The following SLC25A26 variants were observed in gnomAD, a reference collection of about 807,000 sequenced individuals.
SLC25A26 encodes mitochondrial S-adenosylmethionine carrier protein.
A neutral mutation model predicts 37.8 loss-of-function variants in SLC25A26; 36 were observed. That is an observed-to-expected ratio of 0.95 (90% CI 0.73 to 1.26). The LOEUF (loss-of-function observed/expected upper bound fraction) is 1.26, where lower values mean the gene tolerates loss of function less well. SLC25A26 is among the 50% of genes most tolerant of loss of function. The pLI, the probability that SLC25A26 is intolerant of heterozygous loss-of-function variation, is 0.00. For synonymous variants in SLC25A26, 129 were observed against 122.5 expected (o/e 1.05, Z -0.35); for missense variants, 390 against 331.1 (o/e 1.18, Z -1.38).
At chr3:66,263,252 A>G in intron 4 of SLC25A26, 80 bp from the exon 5 acceptor site, 2 of 931,812 alleles carry the variant, frequency 2.1e-6, no homozygotes, top group South Asian at 2.8e-5. Flanking sequence ...AAACAAGAGC[A>G]GGTAGATCTG....
chr3:66,245,116 C>A (rs1436348970), intron 3 of SLC25A26, among the ~76,000 whole-genome samples: 1 of 151,480 alleles, frequency 6.6e-6, no homozygotes, highest in African/African-American at 2.4e-5. Context: ...TTATGTTTTC[C>A]AGACTGGTCT....
chr3:66,221,388 A>G (rs1392793967), intron 1 of SLC25A26, among the ~76,000 whole-genome samples: 1 of 152,176 alleles, frequency 6.6e-6, no homozygotes, highest in Non-Finnish European at 1.5e-5. Context: ...CATTTACTTA[A>G]AAAAGAGCTT....
At chr3:66,240,208 T>C (rs1258957248) in intron 2 of SLC25A26, among the ~76,000 whole-genome samples, 1 of 152,156 alleles carries the variant, frequency 6.6e-6, no homozygotes, top group Non-Finnish European at 1.5e-5. Flanking sequence ...CTCACTATAA[T>C]AGCAAGAGGA....
rs1039774792 is a variant in SLC25A26, at chr3:66,347,957, A to G, written c.498+1549A>G. 2.6e-5 allele frequency among the ~76,000 whole-genome samples: 4 copies of G among 152,140 alleles called. No homozygotes were observed. The South Asian group carries it at 8.3e-4, about 32-fold the overall frequency. Reference sequence around the variant, plus strand: ...ACATGGACACAGAAGAACAACACACAATGACTGGGGCCTGTTGTGGGGTGC... The same window carrying G: ...ACATGGACACAGAAGAACAACACACGATGACTGGGGCCTGTTGTGGGGTGC... On this transcript the variant is annotated intron_variant, in intron 6 of 9. Transcript: ENST00000354883.
chr3:66,212,282 A>AT (rs1257688673), intron 1 of SLC25A26, among the ~76,000 whole-genome samples: 1,490 of 147,150 alleles, frequency 0.01, 21 homozygotes, highest in African/African-American at 0.033. Flanking sequence ...TGGTTAATAA[A>AT]TTTTTTTTTT....
chr3:66,369,352 T>C (rs924937937), intron 7 of SLC25A26, 126 bp from the exon 8 acceptor site: 2 of 744,202 alleles, frequency 2.7e-6, no homozygotes, highest in African/African-American at 3.5e-5. Context: ...CATGTGTGCA[T>C]CCTGTTCTTC....
At chr3:66,332,265 A>T (rs916810974) in intron 5 of SLC25A26, among the ~76,000 whole-genome samples, 1 of 151,916 alleles carries the variant, frequency 6.6e-6, no homozygotes, top group Non-Finnish European at 1.5e-5. Flanking sequence ...GCATGCACCT[A>T]CTCCTACTGT....
chr3:66,262,574 A>T (rs2107286930), intron 4 of SLC25A26, among the ~76,000 whole-genome samples: 1 of 152,350 alleles, frequency 6.6e-6, no homozygotes, highest in East Asian at 1.9e-4. Flanking sequence ...GATGTATTTG[A>T]AGCTGTCAGT....
intron 5 of SLC25A26, among the ~76,000 whole-genome samples, chr3:66,345,957 C>A (rs2076312614): frequency 6.6e-6 from 1 of 152,194 alleles, no homozygotes; most frequent in African/African-American, 2.4e-5. Context: ...CTTTTGGAGG[C>A]CAAGTCAGGT....
chr3:66,251,944 T>C (rs1189183041), intron 3 of SLC25A26, among the ~76,000 whole-genome samples: 3 of 151,362 alleles, frequency 2.0e-5, no homozygotes, highest in African/African-American at 7.3e-5. Context: ...TAACTTTTTA[T>C]TTAAGAGCTG....
chr3:66,242,297 C>A (rs2107102853), intron 2 of SLC25A26, among the ~76,000 whole-genome samples: 1 of 152,252 alleles, frequency 6.6e-6, no homozygotes, highest in Middle Eastern at 3.4e-3. Flanking sequence ...TGGGAAAAAT[C>A]ACATGAAGAA....
chr3:66,260,580 A>G (rs1427737806), intron 3 of SLC25A26, among the ~76,000 whole-genome samples: 4 of 152,170 alleles, frequency 2.6e-5, no homozygotes, highest in African/African-American at 4.8e-5. Flanking sequence ...TTTAGAGGCA[A>G]TATGCCCGTG....
chr3:66,183,017 G>A (rs1448135616), intron 1 of SLC25A26, among the ~76,000 whole-genome samples: 3 of 151,950 alleles, frequency 2.0e-5, no homozygotes, highest in Non-Finnish European at 2.9e-5. Flanking sequence ...GTTGGCTTTC[G>A]GTGCATATAA....
chr3:66,265,781 A>C (rs2073723436), intron 5 of SLC25A26, among the ~76,000 whole-genome samples: 1 of 152,212 alleles, frequency 6.6e-6, no homozygotes, highest in Admixed American at 6.5e-5. Context: ...TGTGGAGATG[A>C]CTTGTGCCTT....
chr3:66,282,026 A>C (rs1237826668), intron 5 of SLC25A26, among the ~76,000 whole-genome samples: 1 of 79,314 alleles, frequency 1.3e-5, no homozygotes. Flanking sequence ...TTTTTTTGAG[A>C]CGGAGTCTCG....
chr3:66,343,368 C>G (rs2076251681), intron 5 of SLC25A26, among the ~76,000 whole-genome samples: 1 of 152,160 alleles, frequency 6.6e-6, no homozygotes, highest in South Asian at 2.1e-4. Flanking sequence ...AAGTCAGAAG[C>G]AAATTTAATT....
intron 1 of SLC25A26, among the ~76,000 whole-genome samples, chr3:66,157,158 T>A (rs1356712094): frequency 6.6e-6 from 1 of 152,104 alleles, no homozygotes; most frequent in Non-Finnish European, 1.5e-5. Context: ...CACTTGGGCC[T>A]GGGAGGTCGA....
chr3:66,311,834 A>G (rs1184518098), intron 5 of SLC25A26, among the ~76,000 whole-genome samples: 1 of 152,158 alleles, frequency 6.6e-6, no homozygotes, highest in Non-Finnish European at 1.5e-5. Flanking sequence ...GCAGAACAGC[A>G]AAGCTTGCTG....
At chr3:66,332,711 C>T (rs1169173046) in intron 5 of SLC25A26, among the ~76,000 whole-genome samples, 2 of 152,094 alleles carry the variant, frequency 1.3e-5, no homozygotes, top group African/African-American at 4.8e-5. Flanking sequence ...TGTGCCCAGC[C>T]AGTGCTTGAA....
Sources: gnomAD v4.1 joint callset for allele counts (sites outside exome capture counted in the v4.1 genomes callset) on GRCh38, gnomAD v4.1.1 for gene constraint, MANE v1.5 for transcripts, NCBI Gene and HGNC (gene_info 2026-07-23, HGNC 2026-07-21) for gene names.